The following PRPS2 variants were observed in gnomAD, a reference collection of about 807,000 sequenced individuals.
PRPS2 encodes phosphoribosyl pyrophosphate synthetase 2, also known as ribose-phosphate pyrophosphokinase 2.
For missense variants in PRPS2, 104 were observed against 271.5 expected (o/e 0.38, Z 4.34); for synonymous variants, 111 against 115.3 (o/e 0.96, Z 0.24).
chrX:12,804,813 C>T (rs927113445), intron 2 of PRPS2, among the ~76,000 whole-genome samples: 3 of 111,787 alleles, frequency 2.7e-5, no homozygotes, highest in Admixed American at 1.9e-4. Flanking sequence ...AAAGAAAATG[C>T]TCCTGCACAG....
intron 4 of PRPS2, among the ~76,000 whole-genome samples, chrX:12,818,216 A>G (rs1331711268): frequency 9.2e-6 from 1 of 108,462 alleles, no homozygotes; most frequent in East Asian, 2.9e-4. Context: ...TAAAAATACA[A>G]AATTAGCCAG....
chrX:12,800,362 C>G (rs1159973172), intron 2 of PRPS2, among the ~76,000 whole-genome samples: 2 of 111,800 alleles, frequency 1.8e-5, no homozygotes, highest in Non-Finnish European at 3.8e-5. Flanking sequence ...CTTATAAGGA[C>G]ACTGTCATTG....
intron 4 of PRPS2, among the ~76,000 whole-genome samples, chrX:12,815,161 T>C (rs893743599): frequency 8.9e-6 from 1 of 111,901 alleles, no homozygotes; most frequent in African/African-American, 3.3e-5. Context: ...AGGAAGCTGT[T>C]TGCAGGGGTA....
At chrX:12,808,630 T>A (rs12008243) in intron 2 of PRPS2, among the ~76,000 whole-genome samples, 3,986 of 112,225 alleles carry the variant, frequency 0.036, 182 homozygotes, top group African/African-American at 0.12. Flanking sequence ...TCTTTGACCT[T>A]GTTTTTTTCC....
At chrX:12,812,008 C>T (rs933689558) in intron 4 of PRPS2, among the ~76,000 whole-genome samples, 1 of 111,920 alleles carries the variant, frequency 8.9e-6, no homozygotes, top group Non-Finnish European at 1.9e-5. Context: ...TGGGCAGTCA[C>T]GGGGTGGAGG....
At chrX:12,794,791 G>A (rs1602407760) in intron 1 of PRPS2, among the ~76,000 whole-genome samples, 2 of 111,928 alleles carry the variant, frequency 1.8e-5, no homozygotes, top group Middle Eastern at 9.3e-3. Flanking sequence ...CTAGTCATAT[G>A]AGAACTGAGG....
At chrX:12,805,794 C>T (rs182768630) in intron 2 of PRPS2, among the ~76,000 whole-genome samples, 157 of 111,950 alleles carry the variant, frequency 1.4e-3, no homozygotes, top group African/African-American at 4.8e-3. Context: ...TAGGTTGGGC[C>T]GGGCATGGTG....
intron 4 of PRPS2, among the ~76,000 whole-genome samples, chrX:12,817,714 T>C (rs1482026139): frequency 8.9e-6 from 1 of 111,987 alleles, no homozygotes; most frequent in Non-Finnish European, 1.9e-5. Context: ...TGGAATGTTA[T>C]TCAGACTTAA....
chrX:12,811,696 C>T (rs1249045051), intron 4 of PRPS2, among the ~76,000 whole-genome samples: 1 of 112,044 alleles, frequency 8.9e-6, no homozygotes, highest in African/African-American at 3.2e-5. Flanking sequence ...CCTCATTTGG[C>T]ACCCTCATCT....
intron 1 of PRPS2, among the ~76,000 whole-genome samples, chrX:12,798,886 T>C (rs1378985343): frequency 1.8e-5 from 2 of 112,101 alleles, no homozygotes; most frequent in African/African-American, 6.5e-5. Flanking sequence ...CTTGAGTCTC[T>C]AAGCAGCTTC....
chrX:12,817,954 C>G (rs1271697753), intron 4 of PRPS2, among the ~76,000 whole-genome samples: 1 of 111,316 alleles, frequency 9.0e-6, no homozygotes, highest in African/African-American at 3.3e-5. Flanking sequence ...ATGAAATGTT[C>G]TGGAACTAGA....
At chrX:12,822,544 A>C (rs746747638) in intron 6 of PRPS2, among the ~76,000 whole-genome samples, 160 bp from the exon 7 acceptor site, 1 of 112,598 alleles carries the variant, frequency 8.9e-6, no homozygotes, top group East Asian at 2.8e-4. Context: ...GACATACCCC[A>C]AAGCTGTCTG....
At chrX:12,807,294 C>CTTT (rs2042598527) in intron 2 of PRPS2, among the ~76,000 whole-genome samples, 1 of 111,813 alleles carries the variant, frequency 8.9e-6, no homozygotes, top group Admixed American at 9.5e-5. Flanking sequence ...TAATCCCGCT[C>CTTT]TCAAGGGAGC....
At position 12,817,093 on chromosome X, in the gene PRPS2, G is replaced by A. The variant is rs758872759; in HGVS notation, c.531-2414G>A. 9.2e-5 allele frequency among the ~76,000 whole-genome samples: 10 copies of A among 109,097 alleles called. No homozygotes were observed. In the South Asian group the frequency reaches 2.1e-3, roughly 22 times the overall value. 94.7% of individuals were successfully genotyped at this position (109,097 alleles called of 115,157 possible). On this transcript the variant is annotated intron_variant, in intron 4 of 6. Transcript: ENST00000380668. ...ATTTGTTGGGTTTATTGGATCCGAG[G>A]ATCCTCAGATCCAATAAACCCAACA...
Position 12,820,673 on chromosome X carries a change from A to G in PRPS2, c.734A>G (p.Tyr245Cys). 1.7e-6 allele frequency: 2 copies of G among 1,211,201 alleles called. No individual in the cohort carries two copies. Among genetic ancestry groups the G allele is most frequent in the Non-Finnish European group, 2.2e-6 (2 of 895,294 alleles). ...KLLSAGATKV[Y>C]AILTHGIFSG... ...CTGTCAGCTGGAGCCACCAAAGTGT[A>G]TGCTATCCTTACCCATGGGATCTTC... The change falls in exon 6 of 7, where the codon TAT (tyrosine) becomes TGT (cysteine). Residue 245 changes from tyrosine to cysteine, a missense_variant. Tyr to Cys is a radical substitution (Grantham distance 194, BLOSUM62 -2). Coordinates refer to ENST00000380668, the MANE Select transcript of PRPS2 (RefSeq NM_002765.5).
chrX:12,801,221 CGTGTGT>C (rs72506508), intron 2 of PRPS2, among the ~76,000 whole-genome samples: 105 of 93,314 alleles, frequency 1.1e-3, no homozygotes, highest in African/African-American at 2.0e-3. Flanking sequence ...TGCGTGCGCA[CGTGTGT>C]GTGTGTGTGT....
rs149260429 is a variant in PRPS2 at position 12,799,309 on chromosome X, T to C, written c.225T>C (p.Asn75=). 5 of 1,211,615 alleles carry C rather than the reference T, an allele frequency of 4.1e-6. No homozygotes were observed. The highest frequency in any genetic ancestry group is 5.6e-6 in the Non-Finnish European group (5 of 895,422). ...DNLMELLIMI[N]ACKIASSSRV... ...TGATGGAACTCCTCATCATGATCAA[T>C]GCCTGCAAGATTGCGTCATCATCCA... The change falls in exon 2 of 7, where the codon AAT becomes AAC. Residue 75 remains asparagine (N), a synonymous_variant. Coordinates refer to ENST00000380668, the MANE Select transcript of PRPS2 (RefSeq NM_002765.5).
intron 6 of PRPS2, among the ~76,000 whole-genome samples, chrX:12,821,330 C>T (rs1466005046): frequency 9.1e-6 from 1 of 110,008 alleles, no homozygotes; most frequent in Non-Finnish European, 1.9e-5. Context: ...TTGAAAACAT[C>T]GTGCTAAGTG....
In PRPS2 at chrX:12,820,936, C is replaced by T. The variant is rs762731268; in HGVS notation, c.864+133C>T. ...TGGCAGAGGCGGCAGCTTCTCATGA[C>T]GGCAGGATATAAATCATATTAGATC... On this transcript the variant is annotated intron_variant, in intron 6 of 6. Coordinates refer to ENST00000380668, the MANE Select transcript of PRPS2 (RefSeq NM_002765.5). 10 of 674,556 alleles carry T rather than the reference C, an allele frequency of 1.5e-5. No individual in the cohort carries two copies. In the East Asian group the frequency reaches 1.8e-4, roughly 12 times the overall value. The allele number at this position is 674,556 out of a possible 1,213,427, so 55.6% of individuals were successfully genotyped here.
Sources: allele counts gnomAD v4.1 joint callset (sites outside exome capture counted in the v4.1 genomes callset), GRCh38; gene constraint gnomAD v4.1.1; transcripts MANE v1.5; gene names NCBI Gene and HGNC (gene_info 2026-07-23, HGNC 2026-07-21).